The following CCDC171 variants were observed in gnomAD, a reference collection of about 807,000 sequenced individuals.
CCDC171 encodes the protein coiled-coil domain containing 171.
CCDC171 carries 177 observed loss-of-function variants against 168.2 expected under a neutral mutation model. The ratio of observed to expected loss-of-function variants is 1.05; its 90% CI spans 0.93 to 1.19. CCDC171 has a LOEUF of 1.19. Ranked by LOEUF, CCDC171 falls within the 50% of genes most tolerant of loss-of-function variation. The probability of loss-of-function intolerance (pLI) is 0.00; values close to 1 mark genes in which losing one functional copy is unlikely to be tolerated. For synonymous variants in CCDC171, 687 were observed against 540.8 expected (o/e 1.27, Z -3.75); for missense variants, 1,991 against 1,539.0 (o/e 1.29, Z -4.91).
chr9:15,563,300 G>A (rs1274866748), intron 1 of CCDC171, among the ~76,000 whole-genome samples: 1 of 151,888 alleles, frequency 6.6e-6, no homozygotes, highest in Non-Finnish European at 1.5e-5. Flanking sequence ...CACCCCGCCT[G>A]GCTAATTTTA....
At chr9:15,626,070 CT>C (rs1289074583) in intron 7 of CCDC171, among the ~76,000 whole-genome samples, 1 of 152,118 alleles carries the variant, frequency 6.6e-6, no homozygotes, top group Non-Finnish European at 1.5e-5. Context: ...ATTTTATTCT[CT>C]TTGTAGCAAT....
intron 18 of CCDC171, among the ~76,000 whole-genome samples, chr9:15,759,683 C>T (rs1564359086): frequency 6.6e-6 from 1 of 152,136 alleles, no homozygotes. Context: ...TGATTAGATT[C>T]AGCTTGTGCA....
intron 21 of CCDC171, among the ~76,000 whole-genome samples, chr9:15,811,866 G>A (rs1031527493): frequency 2.0e-5 from 3 of 152,182 alleles, no homozygotes; most frequent in Non-Finnish European, 2.9e-5. Flanking sequence ...AAAGTGTGAG[G>A]CACTGGCTTA....
intron 6 of CCDC171, among the ~76,000 whole-genome samples, chr9:15,615,408 A>T (rs1421248367): frequency 1.3e-5 from 2 of 152,156 alleles, no homozygotes; most frequent in Non-Finnish European, 2.9e-5. Flanking sequence ...GTGTATTTAT[A>T]TTCATATCCA....
At chr9:15,613,463 C>T (rs2043848747) in intron 6 of CCDC171, among the ~76,000 whole-genome samples, 1 of 151,688 alleles carries the variant, frequency 6.6e-6, no homozygotes, top group South Asian at 2.1e-4. Flanking sequence ...GTTATCTATA[C>T]ATACATTTAA....
chr9:16,079,420 G>A, the CCDC171 span, among the ~76,000 whole-genome samples: 9 of 152,320 alleles, frequency 5.9e-5, no homozygotes, highest in East Asian at 1.4e-3. Flanking sequence ...TCCTTATAAA[G>A]GAGGGAAATG....
chr9:15,558,511 T>C (rs2038998442), intron 1 of CCDC171, among the ~76,000 whole-genome samples: 1 of 152,216 alleles, frequency 6.6e-6, no homozygotes, highest in Non-Finnish European at 1.5e-5. Flanking sequence ...ATTTTCTAGT[T>C]TATTTGCGTA....
chr9:15,877,259 A>T (rs535947040), intron 24 of CCDC171, among the ~76,000 whole-genome samples: 5 of 152,122 alleles, frequency 3.3e-5, no homozygotes, highest in African/African-American at 7.2e-5. Flanking sequence ...ACAGCAATGG[A>T]TGTAAAGTGT....
chr9:15,698,681 G>T (rs900568690), intron 11 of CCDC171, among the ~76,000 whole-genome samples: 1 of 151,954 alleles, frequency 6.6e-6, no homozygotes, highest in African/African-American at 2.4e-5. Flanking sequence ...CTGTATGTGC[G>T]TGTATATGTA....
chr9:15,994,163 A>G (rs117113695), intron 3 of CCDC171, among the ~76,000 whole-genome samples: 1,531 of 152,322 alleles, frequency 0.01, 34 homozygotes, highest in South Asian at 0.092. Context: ...TATAATCGCA[A>G]TAGCAAAGAC....
chr9:15,662,600 C>G (rs985888985), intron 8 of CCDC171, among the ~76,000 whole-genome samples: 3 of 152,088 alleles, frequency 2.0e-5, no homozygotes, highest in African/African-American at 7.2e-5. Flanking sequence ...AGATCTAAGA[C>G]TGTGTAGTTT....
intron 7 of CCDC171, among the ~76,000 whole-genome samples, chr9:15,638,363 A>C (rs1172179134): frequency 1.3e-5 from 2 of 152,104 alleles, no homozygotes; most frequent in African/African-American, 4.8e-5. Context: ...ATTTCTGGAG[A>C]GCATTTTATG....
downstream of CCDC171, among the ~76,000 whole-genome samples, chr9:16,062,774 A>G (rs1833948296): frequency 6.6e-6 from 1 of 152,198 alleles, no homozygotes; most frequent in African/African-American, 2.4e-5. Context: ...CATGATGTGT[A>G]CAAGTATGTG....
chr9:16,100,326 A>G, the CCDC171 span, among the ~76,000 whole-genome samples: 16 of 152,210 alleles, frequency 1.1e-4, no homozygotes, highest in African/African-American at 3.9e-4. Context: ...CATCCGAGTA[A>G]AAACGCCATG....
intron 23 of CCDC171, among the ~76,000 whole-genome samples, chr9:15,865,798 T>G (rs1470233558): frequency 6.6e-6 from 1 of 151,704 alleles, no homozygotes. Context: ...TTCAACTCTG[T>G]GGGGGTTGGC....
intron 3 of CCDC171, among the ~76,000 whole-genome samples, chr9:16,002,253 C>T (rs989940325): frequency 6.8e-6 from 1 of 147,106 alleles, no homozygotes; most frequent in African/African-American, 2.5e-5. Flanking sequence ...CAGAAGAAGA[C>T]ATTGTTATCA....
At chr9:15,563,145 T>A (rs1212128523) in intron 1 of CCDC171, among the ~76,000 whole-genome samples, 1 of 151,886 alleles carries the variant, frequency 6.6e-6, no homozygotes, top group Non-Finnish European at 1.5e-5. Flanking sequence ...ACTTCTTTTT[T>A]TTTTTTTTTT....
chr9:15,740,406 A>T (rs2054791030), intron 16 of CCDC171, among the ~76,000 whole-genome samples: 1 of 151,450 alleles, frequency 6.6e-6, no homozygotes. Flanking sequence ...ATGTACAAAT[A>T]ACGTGATTTT....
At chr9:15,745,737 GT>G in intron 18 of CCDC171, 106 bp downstream of exon 18, 1 of 611,778 alleles carries the variant, frequency 1.6e-6, no homozygotes, top group Non-Finnish European at 2.7e-6. Context: ...AAATATATTT[GT>G]TTTTATCTTT....
Sources: allele counts gnomAD v4.1 joint callset (sites outside exome capture counted in the v4.1 genomes callset), GRCh38; gene constraint gnomAD v4.1.1; transcripts MANE v1.5; gene names NCBI Gene and HGNC (gene_info 2026-07-23, HGNC 2026-07-21).